Variants in UBE2U observed in about 807,000 individuals in gnomAD.
UBE2U encodes ubiquitin conjugating enzyme E2 U.
Under a neutral mutation model 41.2 loss-of-function variants are expected in UBE2U, and 39 were observed. That is an observed-to-expected ratio of 0.95 (90% confidence interval 0.73 to 1.24). UBE2U has a LOEUF of 1.24. UBE2U is among the 50% of genes most tolerant of loss of function. The pLI is 0.00. For missense variants in UBE2U, 336 were observed against 363.1 expected, an observed-to-expected ratio of 0.93 and a Z score of 0.61; for synonymous variants, 107 against 117.8, an observed-to-expected ratio of 0.91 and a Z score of 0.60.
chr1:64,248,911 T>C (rs1364237104), intron 8 of UBE2U, among the ~76,000 whole-genome samples: 1 of 152,180 alleles, frequency 6.6e-6, no homozygotes, highest in Non-Finnish European at 1.5e-5. Flanking sequence ...AGACATTGAC[T>C]AAAATTTAGA....
At chr1:64,242,786 T>A (rs1168451625) in intron 8 of UBE2U, among the ~76,000 whole-genome samples, 1 of 152,164 alleles carries the variant, frequency 6.6e-6, no homozygotes, top group Non-Finnish European at 1.5e-5. Flanking sequence ...AGTAGAAAGT[T>A]TTTTATCCAG....
At chr1:64,260,749 T>C in intron 9 of UBE2U, 55 bp downstream of exon 9, 3 of 1,371,894 alleles carry the variant, frequency 2.2e-6, no homozygotes, top group African/African-American at 2.9e-5. Context: ...TTATGCATAA[T>C]ATGCATAACT....
chr1:64,248,051 C>T (rs1206456666), intron 8 of UBE2U, among the ~76,000 whole-genome samples: 3 of 152,094 alleles, frequency 2.0e-5, no homozygotes, highest in African/African-American at 7.2e-5. Flanking sequence ...TTATAAATTA[C>T]CCACTCCCAG....
In UBE2U at chr1:64,252,476, G is replaced by A. The variant is rs868852887; in HGVS notation, c.678-8127G>A. Among the ~76,000 whole-genome samples, 7 of 152,306 alleles carry A rather than the reference G, an allele frequency of 4.6e-5. No individual in the cohort carries two copies. In the South Asian group the frequency reaches 8.3e-4, roughly 18 times the overall value. On this transcript the variant is annotated intron_variant, in intron 8 of 9. Coordinates refer to ENST00000371077, the MANE Select transcript of UBE2U (RefSeq NM_001366232.2). ...AGAGACCTTCCAATAGGGGTCTCCA[G>A]TCACCTCCTACAGGAGTGTTTGGGA...
intron 6 of UBE2U, among the ~76,000 whole-genome samples, chr1:64,230,744 C>T (rs1644548078): frequency 6.6e-6 from 1 of 152,152 alleles, no homozygotes; most frequent in Non-Finnish European, 1.5e-5. Flanking sequence ...TCCGTTAAAC[C>T]ATATAACACT....
intron 4 of UBE2U, 70 bp from the exon 5 acceptor site, chr1:64,214,745 T>G: frequency 8.9e-7 from 1 of 1,123,266 alleles, no homozygotes; most frequent in Non-Finnish European, 1.4e-6. Flanking sequence ...AAGTTGTATA[T>G]ATTGGTTTGT....
chr1:64,248,044 T>A (rs2100492578), intron 8 of UBE2U, among the ~76,000 whole-genome samples: 1 of 152,264 alleles, frequency 6.6e-6, no homozygotes, highest in Non-Finnish European at 1.5e-5. Context: ...GTTTTCCTTA[T>A]AAATTACCCA....
chr1:64,239,175 G>GAAGAAGAAGAAGA (rs1644781615), intron 7 of UBE2U, among the ~76,000 whole-genome samples: 2 of 95,456 alleles, frequency 2.1e-5, no homozygotes, highest in African/African-American at 9.4e-5. Flanking sequence ...AGAAGAAGAA[G>GAAGAAGAAGAAGA]AAGAAGAAGA....
At chr1:64,244,210 C>T (rs914615249) in intron 8 of UBE2U, 7 of 1,580,202 alleles carry the variant, frequency 4.4e-6, no homozygotes, top group African/African-American at 1.3e-5. Context: ...AATTCTTAAC[C>T]ACTCTGAACT....
At chr1:64,244,156 A>C in intron 8 of UBE2U, 1 of 1,609,160 alleles carries the variant, frequency 6.2e-7, no homozygotes, top group South Asian at 1.1e-5. Flanking sequence ...TGGAAGCAGC[A>C]TAGGGGAAGA....
chr1:64,256,748 C>A (rs1455173144), intron 8 of UBE2U, among the ~76,000 whole-genome samples: 1 of 151,934 alleles, frequency 6.6e-6, no homozygotes, highest in African/African-American at 2.4e-5. Context: ...GCAATTGCAA[C>A]AAAAACAAAA....
intron 7 of UBE2U, among the ~76,000 whole-genome samples, chr1:64,236,967 C>T (rs1018953063): frequency 7.2e-5 from 11 of 151,978 alleles, no homozygotes; most frequent in Non-Finnish European, 1.6e-4. Context: ...TTTTAAAGCT[C>T]CCCAGGTGAC....
intron 7 of UBE2U, among the ~76,000 whole-genome samples, chr1:64,237,725 A>G (rs1040494004): frequency 6.6e-6 from 1 of 152,196 alleles, no homozygotes; most frequent in Non-Finnish European, 1.5e-5. Context: ...AAATTTGTAC[A>G]AAGTACTGTG....
intron 4 of UBE2U, among the ~76,000 whole-genome samples, chr1:64,211,216 G>C (rs755689457): frequency 6.6e-6 from 1 of 152,164 alleles, no homozygotes; most frequent in Non-Finnish European, 1.5e-5. Flanking sequence ...CTTCCTGAGA[G>C]AGGTGGATCG....
chr1:64,243,234 G>A (rs1644865434), intron 8 of UBE2U, among the ~76,000 whole-genome samples: 1 of 152,118 alleles, frequency 6.6e-6, no homozygotes. Flanking sequence ...CAAAACGCTG[G>A]TGTTGATTAG....
At chr1:64,215,822 C>T (rs1260770832) in intron 5 of UBE2U, among the ~76,000 whole-genome samples, 1 of 151,672 alleles carries the variant, frequency 6.6e-6, no homozygotes, top group Non-Finnish European at 1.5e-5. Context: ...CCTGTGCGCT[C>T]TCTCTCTCTT....
chr1:64,258,152 A>G (rs1194125513), intron 8 of UBE2U, among the ~76,000 whole-genome samples: 2 of 152,112 alleles, frequency 1.3e-5, no homozygotes, highest in Admixed American at 1.3e-4. Context: ...TTTTATATTT[A>G]TTCATTTTTG....
At chr1:64,209,111 A>G (rs564516950) in intron 3 of UBE2U, among the ~76,000 whole-genome samples, 1 of 152,306 alleles carries the variant, frequency 6.6e-6, no homozygotes, top group Non-Finnish European at 1.5e-5. Context: ...ACATTATTTT[A>G]TTGTAATTAA....
chr1:64,241,699 A>G lies in UBE2U; in HGVS notation c.643A>G (p.Met215Val), dbSNP rs751500029. Residue 215 changes from methionine (M) to valine (V), a missense_variant, in exon 8 of 10, where the codon ATG (methionine) becomes GTG (valine). By Grantham distance (21) the Met-to-Val change is conservative. Transcript: ENST00000371077. ...TGGACAGTATTACAAATGGAAGAAA[A>G]TGGATCTACAGCATCAGAAAGAATG... ...FIGQYYKWKK[M>V]DLQHQKEWNL... 1 of 1,609,876 alleles carries G rather than the reference A, an allele frequency of 6.2e-7. No homozygotes were observed. The highest frequency in any genetic ancestry group is 8.5e-7 in the Non-Finnish European group (1 of 1,178,204).
Sources: gnomAD v4.1 joint callset for allele counts (sites outside exome capture counted in the v4.1 genomes callset) on GRCh38, gnomAD v4.1.1 for gene constraint, MANE v1.5 for transcripts, NCBI Gene and HGNC (gene_info 2026-07-23, HGNC 2026-07-21) for gene names.